LPP: variants seen among roughly 807,000 people sequenced by gnomAD.
LPP encodes lipoma-preferred partner.
In LPP, 38 loss-of-function variants were observed where a neutral mutation model predicts 60.4. The observed-to-expected ratio is 0.63, with a 90% CI of 0.49 to 0.83. The LOEUF (loss-of-function observed/expected upper bound fraction) is 0.83, where lower values mean the gene tolerates loss of function less well. LPP is among the 40% of genes least tolerant of loss of function. The pLI, the probability that LPP is intolerant of heterozygous loss-of-function variation, is 0.00. For synonymous variants in LPP, 328 were observed against 290.8 expected (o/e 1.13, Z -1.30); for missense variants, 902 against 783.6 (o/e 1.15, Z -1.80).
In LPP at chr3:188,553,086, G is replaced by A. The variant is rs561358821; in HGVS notation, c.429+28299G>A. On this transcript the variant is annotated intron_variant, in intron 6 of 11. Coordinates refer to ENST00000617246, the MANE Select transcript of LPP (RefSeq NM_001375462.1). ...ATAGAGAGCTATTCAATTCTACCTA[G>A]TAGAGGAATATTTAATCTATAATGA... 1.7e-4 allele frequency among the ~76,000 whole-genome samples: 26 copies of A among 152,232 alleles called. No homozygotes were observed. In the East Asian group the frequency reaches 3.5e-3, roughly 20 times the overall value.
At chr3:188,589,120 T>A (rs1364435471) in intron 6 of LPP, among the ~76,000 whole-genome samples, 1 of 151,998 alleles carries the variant, frequency 6.6e-6, no homozygotes, top group Non-Finnish European at 1.5e-5. Flanking sequence ...GGGTGTTTTT[T>A]TATATCTATA....
At chr3:188,692,692 C>T (rs917116413) in intron 7 of LPP, among the ~76,000 whole-genome samples, 1 of 152,198 alleles carries the variant, frequency 6.6e-6, no homozygotes, top group Non-Finnish European at 1.5e-5. Flanking sequence ...ATATCTTTAG[C>T]ATGGCACTTA....
intron 6 of LPP, among the ~76,000 whole-genome samples, chr3:188,602,971 A>G (rs1841705529): frequency 6.6e-6 from 1 of 151,462 alleles, no homozygotes; most frequent in Admixed American, 6.6e-5. Context: ...AGTGCACCTC[A>G]TGCACTACAG....
At chr3:188,433,429 G>A (rs1438107375) in intron 4 of LPP, among the ~76,000 whole-genome samples, 2 of 151,994 alleles carry the variant, frequency 1.3e-5, no homozygotes, top group East Asian at 1.9e-4. Flanking sequence ...CAGTAATCGG[G>A]TCATAAGAGA....
At chr3:188,353,813 C>G (rs945455631) in intron 3 of LPP, among the ~76,000 whole-genome samples, 1 of 152,144 alleles carries the variant, frequency 6.6e-6, no homozygotes, top group Non-Finnish European at 1.5e-5. Flanking sequence ...TTTCTGTCTT[C>G]TTTAATTTCC....
intron 7 of LPP, among the ~76,000 whole-genome samples, chr3:188,691,074 TCTAAGTTTATC>T (rs1396691466): frequency 6.6e-6 from 1 of 152,226 alleles, no homozygotes; most frequent in Non-Finnish European, 1.5e-5. Flanking sequence ...ATTTTGCATT[TCTAAGTTTATC>T]CTTACCTTTA....
At chr3:188,828,385 A>C (rs1343661105) in intron 9 of LPP, among the ~76,000 whole-genome samples, 1 of 150,602 alleles carries the variant, frequency 6.6e-6, no homozygotes, top group East Asian at 2.0e-4. Context: ...TGGGCGGATC[A>C]CCTGAGGTCA....
chr3:188,236,128 A>G (rs113600103), intron 2 of LPP, among the ~76,000 whole-genome samples: 5 of 152,230 alleles, frequency 3.3e-5, no homozygotes, highest in African/African-American at 1.2e-4. Flanking sequence ...TAATATTTAC[A>G]TTGTGATCTA....
intron 7 of LPP, among the ~76,000 whole-genome samples, chr3:188,613,294 ATATC>A: frequency 7.1e-6 from 1 of 141,836 alleles, no homozygotes; most frequent in African/African-American, 2.7e-5. Flanking sequence ...ATCTATATCT[ATATC>A]TATATCTATA....
At chr3:188,203,299 TATA>T (rs1301569835) in intron 1 of LPP, among the ~76,000 whole-genome samples, 4 of 117,630 alleles carry the variant, frequency 3.4e-5, no homozygotes, top group Non-Finnish European at 6.4e-5. Context: ...TATAATAAAA[TATA>T]ATAAAAATAT....
At chr3:188,581,888 C>T (rs1270736725) in intron 6 of LPP, among the ~76,000 whole-genome samples, 1 of 152,112 alleles carries the variant, frequency 6.6e-6, no homozygotes, top group Non-Finnish European at 1.5e-5. Flanking sequence ...CCTTTATTAT[C>T]CAACTTACAG....
chr3:188,463,601 A>G (rs1799656658), intron 4 of LPP, among the ~76,000 whole-genome samples: 1 of 152,216 alleles, frequency 6.6e-6, no homozygotes, highest in Non-Finnish European at 1.5e-5. Context: ...CTTCAAAAAG[A>G]AAGAAGACTT....
chr3:188,224,953 AGATT>A (rs151040688), intron 1 of LPP, among the ~76,000 whole-genome samples: 4,044 of 152,278 alleles, frequency 0.027, 185 homozygotes, highest in African/African-American at 0.093. Flanking sequence ...GGAAATGTCA[AGATT>A]GTTTATCCCT....
intron 3 of LPP, among the ~76,000 whole-genome samples, chr3:188,356,902 G>A (rs756982214): frequency 6.6e-6 from 1 of 152,166 alleles, no homozygotes; most frequent in African/African-American, 2.4e-5. Context: ...ACTGCTTCTG[G>A]TCAAGAATAT....
chr3:188,349,851 C>A (rs1045414936), intron 3 of LPP, among the ~76,000 whole-genome samples: 2 of 152,216 alleles, frequency 1.3e-5, no homozygotes, highest in African/African-American at 4.8e-5. Flanking sequence ...AAATTTCTTA[C>A]TTGTAAAACT....
At chr3:188,707,383 A>G (rs960253941) in intron 7 of LPP, among the ~76,000 whole-genome samples, 2 of 152,132 alleles carry the variant, frequency 1.3e-5, no homozygotes, top group South Asian at 4.1e-4. Context: ...TTTTATATGG[A>G]GTCTTTGATC....
intron 5 of LPP, among the ~76,000 whole-genome samples, chr3:188,509,990 T>C (rs1216405982): frequency 6.6e-6 from 1 of 151,532 alleles, no homozygotes; most frequent in East Asian, 2.0e-4. Flanking sequence ...GTGCTGGGAT[T>C]AGAGGCGTGA....
chr3:188,366,927 C>T lies in LPP; in HGVS notation c.-10+25208C>T, dbSNP rs961494121. Among the ~76,000 whole-genome samples the T allele has an allele frequency of 3.0e-4, 46 of 150,936 alleles. 2 individuals are homozygous for T. Among genetic ancestry groups the T allele is most frequent in the Admixed American group, 9.9e-4 (15 of 15,180 alleles). Reference sequence around the variant, plus strand: ...TTTTTTTTTTTTTGAGACAGAGTCTCGCTCTGTCGCCCAGGCTGGAGTGCA... The same window carrying T: ...TTTTTTTTTTTTTGAGACAGAGTCTTGCTCTGTCGCCCAGGCTGGAGTGCA... On this transcript the variant is annotated intron_variant, in intron 3 of 11. Coordinates refer to ENST00000617246, the MANE Select transcript of LPP (RefSeq NM_001375462.1).
At chr3:188,709,962 A>G (rs531144379) in intron 8 of LPP, 4 of 152,182 alleles carry the variant, frequency 2.6e-5, no homozygotes, top group Non-Finnish European at 4.4e-5. Context: ...TCCTGTATTT[A>G]TCTCATCCAG....
Sources: allele counts gnomAD v4.1 joint callset (sites outside exome capture counted in the v4.1 genomes callset), GRCh38; gene constraint gnomAD v4.1.1; transcripts MANE v1.5; gene names NCBI Gene and HGNC (gene_info 2026-07-23, HGNC 2026-07-21).